Variants in ADAR observed in about 807,000 individuals in gnomAD.
ADAR encodes double-stranded RNA-specific adenosine deaminase.
Under a neutral mutation model 113.2 loss-of-function variants are expected in ADAR, and 41 were observed. That is an observed-to-expected ratio of 0.36 (90% confidence interval 0.28 to 0.47). The LOEUF (loss-of-function observed/expected upper bound fraction) is 0.47, where lower values mean the gene tolerates loss of function less well. ADAR is among the 20% of genes least tolerant of loss of function. The pLI is 1.00. For missense variants in ADAR, 1,242 were observed against 1,540.9 expected, an observed-to-expected ratio of 0.81 and a Z score of 3.25; for synonymous variants, 605 against 572.6, an observed-to-expected ratio of 1.06 and a Z score of -0.81.
intron 1 of ADAR, among the ~76,000 whole-genome samples, chr1:154,618,360 A>G (rs1052372080): frequency 2.0e-5 from 3 of 152,096 alleles, no homozygotes; most frequent in East Asian, 3.9e-4. Flanking sequence ...ACTAATTAAT[A>G]TCAAATTAAA....
intron 1 of ADAR, among the ~76,000 whole-genome samples, chr1:154,620,476 G>A (rs1318371763): frequency 6.6e-6 from 1 of 151,280 alleles, no homozygotes; most frequent in Non-Finnish European, 1.5e-5. Context: ...TAAAAAACAG[G>A]AAAAAAAACT....
Position 154,589,865 on chromosome 1 carries a change from T to G in ADAR, c.2560A>C (p.Thr854Pro). ...IAMLSHRCFN[T>P]LTNSFQPSLL... is the part of the protein sequence containing the mutation. Reference sequence around the variant, plus strand: ...GAGGGCTGGAAGCTGTTAGTCAGAGTGTTGAAGCACCGGTGGCTCAGCATG... The same window carrying G: ...GAGGGCTGGAAGCTGTTAGTCAGAGGGTTGAAGCACCGGTGGCTCAGCATG... The change falls in exon 8 of 15, where the codon ACT becomes CCT. Residue 854 changes from threonine to proline, a missense_variant. Physicochemically the swap from Thr to Pro is conservative, Grantham distance 38. Coordinates refer to ENST00000368474, the MANE Select transcript of ADAR (RefSeq NM_001111.5). The G allele has an allele frequency of 1.2e-6, 2 of 1,613,864 alleles. No homozygotes were observed. Among genetic ancestry groups the G allele is most frequent in the Non-Finnish European group, 1.7e-6 (2 of 1,180,006 alleles).
At position 154,598,547 on chromosome 1, in the gene ADAR, G is replaced by A; in HGVS notation, c.1640C>T (p.Pro547Leu). The change falls in exon 3 of 15, where the codon CCC becomes CTC. Residue 547 changes from proline (P) to leucine (L), a missense_variant. By Grantham distance (98) the Pro-to-Leu change is moderately conservative. This residue lies in a region of ADAR where 780 missense variants were observed against 1,057.9 expected (regional missense o/e 0.74). Transcript: ENST00000368474. The part of the protein sequence containing the change: ...FQVVINGREF[P>L]PAEAGSKKVA... The stretch of plus-strand genomic sequence containing the variant: ...TTTCTTGCTTCCAGCTTCAGCTGGG[G>A]GAAACTCTCGGCCATTGATGACAAC... 1.2e-6 allele frequency: 2 copies of A among 1,614,202 alleles called. No individual in the cohort carries two copies. The highest frequency in any genetic ancestry group is 1.7e-6 in the Non-Finnish European group (2 of 1,180,034).
rs1697010885 is a variant in ADAR at position 154,589,854 on chromosome 1, G to C, written c.2571C>G (p.Asn857Lys). The C allele has an allele frequency of 5.6e-6, 9 of 1,614,090 alleles. No homozygotes were observed. Among genetic ancestry groups the C allele is most frequent in the African/African-American group, 1.3e-5 (1 of 75,036 alleles). ...LSHRCFNTLT[N>K]SFQPSLLGRK... The stretch of plus-strand genomic sequence containing the variant: ...GGCCGAGCAAGGAGGGCTGGAAGCT[G>C]TTAGTCAGAGTGTTGAAGCACCGGT... Residue 857 changes from asparagine (N) to lysine (K), a missense_variant, in exon 8 of 15, where the codon AAC becomes AAG. Around this residue, in one of 2 missense-constraint regions of ADAR, gnomAD observed 780 missense variants for 1,057.9 expected, o/e 0.74. Coordinates refer to ENST00000368474, the MANE Select transcript of ADAR (RefSeq NM_001111.5).
rs1267109715 is a variant in ADAR at position 154,585,580 on chromosome 1, A to C, written c.3315+173T>G. 12 of 872,984 alleles carry C rather than the reference A, an allele frequency of 1.4e-5. No individual in the cohort carries two copies. In the East Asian group the frequency reaches 3.2e-4, roughly 23 times the overall value. 54.1% of individuals were successfully genotyped at this position (872,984 alleles called of 1,614,324 possible). A position where few individuals can be genotyped will look rare whatever the true frequency, so the allele number is the denominator to read the frequency against. ...TTGGCATCCAAAAGGAAGAAAGTTT[A>C]AGTTCTTGGGAGACCAACCAATGTT... On this transcript the variant is annotated intron_variant, in intron 13 of 14. Coordinates refer to ENST00000368474, the MANE Select transcript of ADAR (RefSeq NM_001111.5).
chr1:154,589,548 AG>A (rs1230985757), intron 8 of ADAR, 86 bp from the exon 9 acceptor site: 1 of 1,318,230 alleles, frequency 7.6e-7, no homozygotes. Context: ...GAAAGCTTCA[AG>A]GCAGAAACAG....
chr1:154,597,113 A>G lies in ADAR; in HGVS notation c.2079+10T>C. On this transcript the variant is annotated intron_variant, in intron 5 of 14. Coordinates refer to ENST00000368474, the MANE Select transcript of ADAR (RefSeq NM_001111.5). ...ATGACCTGTATCTTTTGAGTAGGAA[A>G]ACGCCCTACCTGGTTATCAGAAGCC... is the stretch of plus-strand genomic sequence containing the variant. 1 of 1,614,124 alleles carries G rather than the reference A, an allele frequency of 6.2e-7. No individual in the cohort carries two copies. The highest frequency in any genetic ancestry group is 1.7e-5 in the Admixed American group (1 of 60,016).
intron 6 of ADAR, among the ~76,000 whole-genome samples, chr1:154,591,080 C>T (rs1697116789): frequency 6.6e-6 from 1 of 152,212 alleles, no homozygotes; most frequent in Non-Finnish European, 1.5e-5. Context: ...AAACCAGTAT[C>T]ACTTGCCACA....
intron 2 of ADAR, 194 bp downstream of exon 2, chr1:154,600,847 C>T: frequency 1.4e-6 from 1 of 730,246 alleles, no homozygotes; most frequent in East Asian, 2.6e-5. Context: ...AAGATTCTGG[C>T]TGGTCCAAGG....
chr1:154,601,942 A>T lies in ADAR; in HGVS notation c.700T>A (p.Ser234Thr). The T allele has an allele frequency of 6.2e-7, 1 of 1,613,458 alleles. No individual in the cohort carries two copies. Among genetic ancestry groups the T allele is most frequent in the Non-Finnish European group, 8.5e-7 (1 of 1,179,924 alleles). ...AGAAGATCTTCTGAGACAGATGTGGAGTTTCTGTCTTCCGGTTCCAAACTC... is the reference window on the plus strand; with the variant it reads ...AGAAGATCTTCTGAGACAGATGTGGTGTTTCTGTCTTCCGGTTCCAAACTC... ...DPSLEPEDRN[S>T]TSVSEDLLEP... Residue 234 changes from serine (S) to threonine (T), a missense_variant, in exon 2 of 15, where the codon TCC (serine) becomes ACC (threonine). By Grantham distance (58) the Ser-to-Thr change is moderately conservative. This residue lies in a region of ADAR where 462 missense variants were observed against 483.1 expected (regional missense o/e 0.96). Transcript: ENST00000368474. This position sits in a 1 kb window ranked among gnomAD's most constrained non-coding sequence, Gnocchi z 4.7.
intron 1 of ADAR, among the ~76,000 whole-genome samples, chr1:154,603,598 T>C (rs1698016970): frequency 1.3e-5 from 2 of 152,188 alleles, no homozygotes; most frequent in Middle Eastern, 3.4e-3. Flanking sequence ...CATATGCACA[T>C]TTACCAGAAC....
At chr1:154,625,539 C>T (rs967940442) in intron 1 of ADAR, among the ~76,000 whole-genome samples, 1 of 152,196 alleles carries the variant, frequency 6.6e-6, no homozygotes, top group Non-Finnish European at 1.5e-5. Flanking sequence ...TGCTCAACAC[C>T]GTGTCAGGTA....
chr1:154,612,573 G>A (rs957882674), upstream of ADAR, among the ~76,000 whole-genome samples: 7 of 151,238 alleles, frequency 4.6e-5, no homozygotes, highest in African/African-American at 1.5e-4. Context: ...GTCATCTGCC[G>A]GTCTTGGCCT....
At chr1:154,587,566 CAAGGT>C (rs1161356915) in intron 11 of ADAR, among the ~76,000 whole-genome samples, 1 of 152,122 alleles carries the variant, frequency 6.6e-6, no homozygotes, top group Admixed American at 6.5e-5. Context: ...GGGTATTTAG[CAAGGT>C]TTCAGGACCA....
rs112863229 is a variant in ADAR at position 154,593,536 on chromosome 1, A to G, written c.2271-3127T>C. ...AGTCCTAGAAAGGATTTCACAGAAGATTTCACAGAAGAGAAAGAGGAAATG... is the reference window on the plus strand; with the variant it reads ...AGTCCTAGAAAGGATTTCACAGAAGGTTTCACAGAAGAGAAAGAGGAAATG... On this transcript the variant is annotated intron_variant, in intron 6 of 14. Coordinates refer to ENST00000368474, the MANE Select transcript of ADAR (RefSeq NM_001111.5). 2.6e-5 allele frequency among the ~76,000 whole-genome samples: 4 copies of G among 152,336 alleles called. 1 individual carries two copies. The highest frequency in any genetic ancestry group is 9.6e-5 in the African/African-American group (4 of 41,574).
chr1:154,592,515 A>G (rs1247857015), intron 6 of ADAR, among the ~76,000 whole-genome samples: 3 of 152,222 alleles, frequency 2.0e-5, no homozygotes, highest in Admixed American at 2.0e-4. Context: ...GGCTTGGATT[A>G]GAGTGCTGAC....
Position 154,602,186 on chromosome 1 carries a change from T to C in ADAR, c.456A>G (p.Glu152=). 1 of 1,614,200 alleles carries C rather than the reference T, an allele frequency of 6.2e-7. No individual in the cohort carries two copies. Among genetic ancestry groups the C allele is most frequent in the South Asian group, 1.1e-5 (1 of 91,086 alleles). Reference sequence around the variant, plus strand: ...GATCATGTGCTGTGGTGGCCTTCCCTTCCCCAAGCTCTTCCAGGAACTTTA... The same window carrying C: ...GATCATGTGCTGTGGTGGCCTTCCCCTCCCCAAGCTCTTCCAGGAACTTTA... ...RILKFLEELG[E]GKATTAHDLS... is the part of the protein sequence containing the mutation. The change falls in exon 2 of 15, where the codon GAA becomes GAG. Residue 152 remains glutamate (E), a synonymous_variant. Coordinates refer to ENST00000368474, the MANE Select transcript of ADAR (RefSeq NM_001111.5).
In ADAR at chr1:154,590,360, C is replaced by T. The variant is rs368419418; in HGVS notation, c.2320G>A (p.Ala774Thr). 7 of 1,613,950 alleles carry T rather than the reference C, an allele frequency of 4.3e-6. No individual in the cohort carries two copies. The highest frequency in any genetic ancestry group is 2.2e-5 in the East Asian group (1 of 44,878). Residue 774 changes from alanine (A) to threonine (T), a missense_variant, in exon 7 of 15, where the codon GCA becomes ACA. Around this residue, in one of 2 missense-constraint regions of ADAR, gnomAD observed 780 missense variants for 1,057.9 expected, o/e 0.74. Coordinates refer to ENST00000368474, the MANE Select transcript of ADAR (RefSeq NM_001111.5). The part of the protein sequence containing the change: ...VGGRWFPAVC[A>T]HSKKQGKQEA... ...TGCTTGCCTTGCTTCTTGCTGTGTG[C>T]GCAGACGGCTGGGAACCAGCGACCC... is the stretch of plus-strand genomic sequence containing the variant.
intron 11 of ADAR, among the ~76,000 whole-genome samples, chr1:154,586,731 G>A (rs1471260181): frequency 6.6e-6 from 1 of 152,184 alleles, no homozygotes; most frequent in Admixed American, 6.5e-5. Context: ...CAGCAGGGGA[G>A]CCCAGACATG....
Sources: gnomAD v4.1 joint callset for allele counts (sites outside exome capture counted in the v4.1 genomes callset) on GRCh38, gnomAD v4.1.1 for gene constraint, gnomAD v4.1.1 regional missense constraint, Gnocchi (gnomAD v3.1) non-coding constraint, MANE v1.5 for transcripts, NCBI Gene and HGNC (gene_info 2026-07-23, HGNC 2026-07-21) for gene names.